CCND3: variants seen among roughly 807,000 people sequenced by gnomAD.
CCND3 encodes G1/S-specific cyclin-D3.
A neutral mutation model predicts 28.7 loss-of-function variants in CCND3; 9 were observed. The ratio of observed to expected loss-of-function variants is 0.31; its 90% CI spans 0.19 to 0.55. The LOEUF (loss-of-function observed/expected upper bound fraction) is 0.55. Ranked by LOEUF, CCND3 falls within the 20% of genes least tolerant of loss-of-function variation. The pLI, the probability that CCND3 is intolerant of heterozygous loss-of-function variation, is 0.93. For synonymous variants in CCND3, 164 were observed against 163.9 expected (o/e 1.00, Z 0.00); for missense variants, 315 against 385.8 (o/e 0.82, Z 1.54).
chr6:41,974,354 A>C (rs574325914), intron 1 of CCND3, among the ~76,000 whole-genome samples: 27 of 152,272 alleles, frequency 1.8e-4, no homozygotes, highest in African/African-American at 6.3e-4. Flanking sequence ...GCTACACCAG[A>C]TGTATAACAT....
intron 2 of CCND3, 26 bp downstream of exon 2, chr6:41,940,343 CG>C (rs1775952779): frequency 6.4e-7 from 1 of 1,569,098 alleles, no homozygotes; most frequent in Non-Finnish European, 8.8e-7. Context: ...CAATACGTGT[CG>C]GGGGTGGGGG....
Position 42,048,097 on chromosome 6 carries a change from C to T in CCND3, c.-46+404G>A, listed in dbSNP as rs955545920. ...TCATCATCTATGTATCAATCAGACA[C>T]CACTGAGGGGTCCCTCCCTCCAGTT... On this transcript the variant is annotated intron_variant, in intron 1 of 4. Transcript: ENST00000372988. This position sits in a 1 kb window ranked among gnomAD's most constrained non-coding sequence, Gnocchi z 4.7. 2 of 170,022 alleles carry T rather than the reference C, an allele frequency of 1.2e-5. No individual in the cohort carries two copies. Among genetic ancestry groups the T allele is most frequent in the African/African-American group, 4.8e-5 (2 of 41,544 alleles). 10.5% of individuals were successfully genotyped at this position (170,022 alleles called of 1,614,324 possible). A position where few individuals can be genotyped will look rare whatever the true frequency, so the allele number is the denominator to read the frequency against.
intron 1 of CCND3, among the ~76,000 whole-genome samples, chr6:41,948,013 C>T (rs1300491563): frequency 6.6e-6 from 1 of 152,166 alleles, no homozygotes; most frequent in East Asian, 1.9e-4. Context: ...GACATGTTCT[C>T]TTTGCACGTG....
At chr6:41,995,126 T>A (rs1444024520) in intron 1 of CCND3, among the ~76,000 whole-genome samples, 1 of 152,104 alleles carries the variant, frequency 6.6e-6, no homozygotes, top group East Asian at 1.9e-4. Flanking sequence ...TTAAAATTTT[T>A]ATTTATGCAT....
chr6:41,991,319 A>G (rs998862912), intron 1 of CCND3, among the ~76,000 whole-genome samples: 1 of 152,200 alleles, frequency 6.6e-6, no homozygotes, highest in Non-Finnish European at 1.5e-5. Flanking sequence ...TTGGTCTCCC[A>G]AAGTGCTGGG....
intron 1 of CCND3, among the ~76,000 whole-genome samples, chr6:41,947,769 AC>A (rs1238596733): frequency 1.3e-5 from 2 of 151,080 alleles, no homozygotes; most frequent in African/African-American, 2.4e-5. Context: ...TTCCACTTCT[AC>A]CCCCCGGTCC....
chr6:41,989,441 T>G (rs1762587441), intron 1 of CCND3, among the ~76,000 whole-genome samples: 1 of 102,770 alleles, frequency 9.7e-6, no homozygotes, highest in East Asian at 2.6e-4. Context: ...GCGACAAGAG[T>G]GAAACACTGT....
chr6:41,972,463 A>C (rs1762062346), intron 1 of CCND3, among the ~76,000 whole-genome samples: 1 of 152,094 alleles, frequency 6.6e-6, no homozygotes, highest in African/African-American at 2.4e-5. Context: ...GAGTTTAGAT[A>C]GCCTTGGCTC....
At chr6:42,034,147 CT>C (rs529799896) in intron 1 of CCND3, among the ~76,000 whole-genome samples, 2,883 of 137,564 alleles carry the variant, frequency 0.021, 75 homozygotes, top group African/African-American at 0.067. Context: ...AAGACCCTGT[CT>C]TTTTTTTTTT....
chr6:41,986,048 T>G (rs1762472528), intron 1 of CCND3, among the ~76,000 whole-genome samples: 1 of 152,044 alleles, frequency 6.6e-6, no homozygotes. Flanking sequence ...CTATCCCCAG[T>G]GTGCATACAT....
intron 1 of CCND3, among the ~76,000 whole-genome samples, chr6:42,027,008 C>T (rs976078775): frequency 2.0e-4 from 31 of 152,190 alleles, no homozygotes; most frequent in African/African-American, 7.2e-4. Flanking sequence ...TCCCCTAGTT[C>T]CTATCCCAGC....
chr6:42,019,488 C>CAAAAAA (rs57466823), intron 1 of CCND3, among the ~76,000 whole-genome samples: 1 of 84,816 alleles, frequency 1.2e-5, no homozygotes, highest in Non-Finnish European at 2.3e-5. Flanking sequence ...GACTCTGTCT[C>CAAAAAA]AAAAAAAAAA....
intron 1 of CCND3, among the ~76,000 whole-genome samples, chr6:41,966,786 A>AG (rs1351012396): frequency 6.6e-6 from 1 of 152,158 alleles, no homozygotes; most frequent in Non-Finnish European, 1.5e-5. Flanking sequence ...CTCATTTTAG[A>AG]GGGGAACCCA....
At chr6:42,005,744 C>T (rs1277834214) in intron 1 of CCND3, among the ~76,000 whole-genome samples, 6 of 151,556 alleles carry the variant, frequency 4.0e-5, no homozygotes, top group South Asian at 2.1e-4. Context: ...AGTGCAAAGG[C>T]GCAATCTCAG....
At chr6:42,044,055 T>C (rs907606870) in intron 1 of CCND3, among the ~76,000 whole-genome samples, 3 of 152,208 alleles carry the variant, frequency 2.0e-5, no homozygotes, top group Non-Finnish European at 4.4e-5. Context: ...CCGTCGGTCC[T>C]GCCCTCTGCT....
intron 1 of CCND3, among the ~76,000 whole-genome samples, chr6:42,034,468 C>CTTTTTTTTT (rs34822771): frequency 3.9e-5 from 2 of 50,978 alleles, no homozygotes; most frequent in South Asian, 9.8e-4. Context: ...CCCTGTCACT[C>CTTTTTTTTT]TTTTTTTTTT....
chr6:41,944,727 G>C (rs1021224413), upstream of CCND3, among the ~76,000 whole-genome samples: 1 of 152,166 alleles, frequency 6.6e-6, no homozygotes, highest in Non-Finnish European at 1.5e-5. Flanking sequence ...TGGCAAATTA[G>C]TTGCTGATTT....
rs1289620628 is a variant in CCND3, at chr6:41,997,378, G to C, written c.-46+51123C>G. On this transcript the variant is annotated intron_variant, in intron 1 of 4. Coordinates refer to the CCND3 transcript ENST00000372988. ...CTGACTCAGGAACAGAGACTCAAGA[G>C]AACTAAGGTGCAGTAGGAAGCAGGT... 1.3e-5 allele frequency among the ~76,000 whole-genome samples: 2 copies of C among 152,266 alleles called. 1 individual carries two copies. The highest frequency in any genetic ancestry group is 4.1e-4 in the South Asian group (2 of 4,826).
rs571283454 is a variant in CCND3 at position 42,031,853 on chromosome 6, G to A, written c.-46+16648C>T. Reference sequence around the variant, plus strand: ...TTTTTGAGACAGAGTGCAACGGCGCGATCTCAGCTCACTGCAACCTCCGCC... The same window carrying A: ...TTTTTGAGACAGAGTGCAACGGCGCAATCTCAGCTCACTGCAACCTCCGCC... On this transcript the variant is annotated intron_variant, in intron 1 of 4. Coordinates refer to the CCND3 transcript ENST00000372988. Among the ~76,000 whole-genome samples the A allele has an allele frequency of 4.1e-5, 6 of 145,890 alleles. No individual in the cohort carries two copies. In the South Asian group the frequency reaches 8.6e-4, roughly 21 times the overall value.
Sources: gnomAD v4.1 joint callset for allele counts (sites outside exome capture counted in the v4.1 genomes callset) on GRCh38, gnomAD v4.1.1 for gene constraint, Gnocchi (gnomAD v3.1) non-coding constraint, MANE v1.5 for transcripts, NCBI Gene and HGNC (gene_info 2026-07-23, HGNC 2026-07-21) for gene names.